The following TUSC3 variants were observed in gnomAD, a reference collection of about 807,000 sequenced individuals.
The protein encoded by TUSC3 is tumor suppressor candidate 3.
A neutral mutation model predicts 44.8 loss-of-function variants in TUSC3; 45 were observed. That is an observed-to-expected ratio of 1.00 (90% confidence interval 0.79 to 1.29). The LOEUF (loss-of-function observed/expected upper bound fraction) is 1.29, where lower values mean the gene tolerates loss of function less well. TUSC3 is among the 50% of genes most tolerant of loss of function. TUSC3 has a pLI of 0.00. For synonymous variants in TUSC3, 212 were observed against 152.9 expected (o/e 1.39, Z -2.85); for missense variants, 519 against 437.9 (o/e 1.19, Z -1.65).
chr8:15,815,640 G>C, the TUSC3 span, among the ~76,000 whole-genome samples: 1 of 152,210 alleles, frequency 6.6e-6, no homozygotes, highest in Non-Finnish European at 1.5e-5. Flanking sequence ...CCTATTCCCA[G>C]GGCAAACGTT....
At position 15,712,462 on chromosome 8, in the gene TUSC3, T is replaced by C. The variant is rs879814941; in HGVS notation, c.799-18204T>C. On this transcript the variant is annotated intron_variant, in intron 6 of 10. Transcript: ENST00000503731. ...ATTCACATCGAGTTTAACTTCAGTT[T>C]CTCCCCTTCTCTTATTCCTGCTTAT... Among the ~76,000 whole-genome samples, 15 of 152,182 alleles carry C rather than the reference T, an allele frequency of 9.9e-5. No homozygotes were observed. In the South Asian group the frequency reaches 1.0e-3, roughly 11 times the overall value.
chr8:15,590,533 T>C (rs1025461602), intron 1 of TUSC3, among the ~76,000 whole-genome samples: 4 of 152,138 alleles, frequency 2.6e-5, no homozygotes, highest in African/African-American at 9.6e-5. Flanking sequence ...TTGAATTTTA[T>C]TTACTATTTT....
intron 1 of TUSC3, among the ~76,000 whole-genome samples, chr8:15,430,847 A>G (rs1307903857): frequency 6.6e-6 from 1 of 151,730 alleles, no homozygotes; most frequent in Non-Finnish European, 1.5e-5. Context: ...AGACAAACAG[A>G]GAGCCAATTT....
In TUSC3 at chr8:15,764,264, A is replaced by G; in HGVS notation, c.*108A>G. The G allele has an allele frequency of 6.3e-7, 1 of 1,576,398 alleles. No individual in the cohort carries two copies. The highest frequency in any genetic ancestry group is 8.7e-7 in the Non-Finnish European group (1 of 1,148,298). ...AAGTGAATGTTTACCATGAAGATAA[A>G]CTGTTCCTGACTTTATACTATTTTG... On this transcript the variant is annotated 3_prime_UTR_variant, in exon 11 of 11. Coordinates refer to ENST00000503731, the MANE Select transcript of TUSC3 (RefSeq NM_006765.4).
At chr8:15,691,678 G>A (rs1808908021) in intron 6 of TUSC3, among the ~76,000 whole-genome samples, 1 of 152,140 alleles carries the variant, frequency 6.6e-6, no homozygotes, top group Admixed American at 6.5e-5. Flanking sequence ...TTTGAAATAT[G>A]TTCCTTCAGT....
chr8:15,718,214 G>A (rs947478030), intron 6 of TUSC3, among the ~76,000 whole-genome samples: 1 of 152,080 alleles, frequency 6.6e-6, no homozygotes, highest in Admixed American at 6.6e-5. Flanking sequence ...GATAATCCAA[G>A]CGTGATACAT....
chr8:15,719,513 ACAC>A (rs1358895962), intron 6 of TUSC3, among the ~76,000 whole-genome samples: 1 of 36,750 alleles, frequency 2.7e-5, no homozygotes, highest in African/African-American at 1.4e-4. Flanking sequence ...ACACACACAC[ACAC>A]CACACACACA....
At chr8:15,801,004 C>T in the TUSC3 span, among the ~76,000 whole-genome samples, 1 of 152,074 alleles carries the variant, frequency 6.6e-6, no homozygotes, top group African/African-American at 2.4e-5. Context: ...GAAAGGGGTC[C>T]CGATCCAGAT....
chr8:15,515,699 ACT>A (rs1254111897), intron 2 of TUSC3, among the ~76,000 whole-genome samples: 5 of 151,948 alleles, frequency 3.3e-5, no homozygotes, highest in African/African-American at 9.7e-5. Flanking sequence ...ACGGAGTCTC[ACT>A]CTGTCACCCA....
intron 2 of TUSC3, among the ~76,000 whole-genome samples, chr8:15,520,376 C>T (rs528267926): frequency 3.3e-5 from 5 of 152,312 alleles, no homozygotes; most frequent in African/African-American, 1.2e-4. Context: ...AGATATCCAA[C>T]CTCTGAAAGC....
the TUSC3 span, among the ~76,000 whole-genome samples, chr8:15,822,298 A>G: frequency 6.6e-6 from 1 of 152,350 alleles, no homozygotes; most frequent in South Asian, 2.1e-4. Flanking sequence ...TGTAGACTTC[A>G]TAAGGAAGAG....
chr8:15,849,248 G>A, the TUSC3 span, among the ~76,000 whole-genome samples: 81,373 of 151,954 alleles, frequency 0.54, 22,508 homozygotes, highest in Non-Finnish European at 0.6. Flanking sequence ...CAGGTGTAAC[G>A]TATTCCACCT....
chr8:15,747,626 C>G (rs1444952209), intron 8 of TUSC3, among the ~76,000 whole-genome samples: 2 of 151,964 alleles, frequency 1.3e-5, no homozygotes, highest in East Asian at 1.9e-4. Flanking sequence ...GTAAAATCTT[C>G]TCAATCATAC....
At chr8:15,648,722 T>G (rs1806742883) in intron 2 of TUSC3, among the ~76,000 whole-genome samples, 1 of 17,734 alleles carries the variant, frequency 5.6e-5, no homozygotes, top group Admixed American at 7.8e-4. Context: ...CAAGACTCTG[T>G]GTCAAAAAAA....
At chr8:15,486,547 T>C (rs1352106582) in intron 2 of TUSC3, among the ~76,000 whole-genome samples, 1 of 151,978 alleles carries the variant, frequency 6.6e-6, no homozygotes, top group East Asian at 1.9e-4. Context: ...CAGGTTCAAA[T>C]GATTATTCTG....
chr8:15,440,156 C>T (rs945396376), intron 1 of TUSC3, among the ~76,000 whole-genome samples: 1 of 152,156 alleles, frequency 6.6e-6, no homozygotes, highest in Admixed American at 6.6e-5. Flanking sequence ...TAAACTGCTT[C>T]CCGAGGAAAT....
intron 1 of TUSC3, among the ~76,000 whole-genome samples, chr8:15,602,070 C>G (rs1275971234): frequency 1.3e-5 from 2 of 151,418 alleles, no homozygotes; most frequent in African/African-American, 4.8e-5. Flanking sequence ...TGACATGATG[C>G]TCAAAGGAAA....
intron 2 of TUSC3, among the ~76,000 whole-genome samples, chr8:15,521,229 C>T (rs372618501): frequency 9.1e-4 from 139 of 152,232 alleles, no homozygotes; most frequent in Middle Eastern, 3.4e-3. Flanking sequence ...CAGATAGCCT[C>T]TGGGATGCTT....
chr8:15,781,025 G>A, the TUSC3 span, among the ~76,000 whole-genome samples: 1 of 152,162 alleles, frequency 6.6e-6, no homozygotes, highest in Non-Finnish European at 1.5e-5. Flanking sequence ...TAACTAACTT[G>A]TATCAGGTAG....
Sources: gnomAD v4.1 joint callset for allele counts (sites outside exome capture counted in the v4.1 genomes callset) on GRCh38, gnomAD v4.1.1 for gene constraint, MANE v1.5 for transcripts, NCBI Gene and HGNC (gene_info 2026-07-23, HGNC 2026-07-21) for gene names.